The following CSMD1 variants were observed in gnomAD, a reference collection of about 807,000 sequenced individuals.
The protein encoded by CSMD1 is CUB and Sushi multiple domains 1.
A neutral mutation model predicts 417.5 loss-of-function variants in CSMD1; 213 were observed. The observed-to-expected ratio is 0.51, with a 90% CI of 0.46 to 0.57. The LOEUF (loss-of-function observed/expected upper bound fraction) is 0.57, where lower values mean the gene tolerates loss of function less well. Among genes scored for constraint, CSMD1 ranks in the 20% least tolerant of loss-of-function variants. The pLI, the probability that CSMD1 is intolerant of heterozygous loss-of-function variation, is 0.00. For missense variants in CSMD1, 6,923 were observed against 4,529.7 expected (o/e 1.53, Z -15.17); for synonymous variants, 2,862 against 1,736.8 (o/e 1.65, Z -16.11).
chr8:4,240,998 C>T (rs554990169), intron 3 of CSMD1, among the ~76,000 whole-genome samples: 60 of 152,282 alleles, frequency 3.9e-4, no homozygotes, highest in African/African-American at 1.4e-3. Flanking sequence ...CAGCCAACGT[C>T]TCAGTGAAAA....
At chr8:4,877,241 T>C (rs1414678731) in intron 1 of CSMD1, among the ~76,000 whole-genome samples, 2 of 152,004 alleles carry the variant, frequency 1.3e-5, no homozygotes, top group Non-Finnish European at 2.9e-5. Flanking sequence ...TCTAAACAGA[T>C]GTACATAAGA....
chr8:3,166,908 G>C (rs540077814), intron 37 of CSMD1, among the ~76,000 whole-genome samples: 19 of 152,300 alleles, frequency 1.2e-4, no homozygotes, highest in South Asian at 1.2e-3. Context: ...GAAATAATTT[G>C]TACTTCTTTC....
chr8:4,034,510 T>C (rs1353553278), intron 3 of CSMD1, among the ~76,000 whole-genome samples: 3 of 152,220 alleles, frequency 2.0e-5, no homozygotes, highest in Non-Finnish European at 4.4e-5. Context: ...GTGCTGTTTA[T>C]AGTACATTAA....
At chr8:4,304,293 C>A (rs541643685) in intron 3 of CSMD1, among the ~76,000 whole-genome samples, 4 of 152,044 alleles carry the variant, frequency 2.6e-5, no homozygotes, top group Non-Finnish European at 5.9e-5. Context: ...GTAACATGTT[C>A]AATATAGAAT....
chr8:4,090,036 TTGATTTATC>T (rs1437599660), intron 3 of CSMD1, among the ~76,000 whole-genome samples: 1 of 152,246 alleles, frequency 6.6e-6, no homozygotes, highest in Non-Finnish European at 1.5e-5. Context: ...ATATTTGATA[TTGATTTATC>T]ATAGGACATG....
chr8:4,562,584 C>G (rs944618519), intron 2 of CSMD1, among the ~76,000 whole-genome samples: 4 of 152,112 alleles, frequency 2.6e-5, no homozygotes, highest in African/African-American at 9.7e-5. Context: ...ATCCTGACTA[C>G]TGAAATAATA....
rs541642483 is a variant in CSMD1 at position 4,241,521 on chromosome 8, A to C, written c.415+178432T>G. ...TGAATGTCTGTGCCCCCAGGAGGGCAGGGTCTCTAGTGCACCACTCTATGT... is the reference window on the plus strand; with the variant it reads ...TGAATGTCTGTGCCCCCAGGAGGGCCGGGTCTCTAGTGCACCACTCTATGT... On this transcript the variant is annotated intron_variant, in intron 3 of 69. Coordinates refer to ENST00000635120, the MANE Select transcript of CSMD1 (RefSeq NM_033225.6). Among the ~76,000 whole-genome samples the C allele has an allele frequency of 2.6e-5, 4 of 152,312 alleles. No individual in the cohort carries two copies. In the East Asian group the frequency reaches 5.8e-4, roughly 22 times the overall value.
chr8:4,369,420 A>C (rs1008649952), intron 3 of CSMD1, among the ~76,000 whole-genome samples: 1 of 152,134 alleles, frequency 6.6e-6, no homozygotes, highest in African/African-American at 2.4e-5. Context: ...ATATTCTATC[A>C]CTGTTGGGTG....
At chr8:3,193,196 G>A (rs887711469) in intron 33 of CSMD1, among the ~76,000 whole-genome samples, 3 of 152,126 alleles carry the variant, frequency 2.0e-5, no homozygotes, top group African/African-American at 7.2e-5. Context: ...ATCTTTCCAA[G>A]TTCCCAAAAT....
intron 61 of CSMD1, 91 bp from the exon 62 acceptor site, chr8:2,961,305 G>T: frequency 1.5e-6 from 1 of 649,936 alleles, no homozygotes; most frequent in Non-Finnish European, 2.6e-6. Flanking sequence ...TCATGAAATA[G>T]AGAAAATATT....
At chr8:3,356,531 C>T (rs1008432535) in intron 21 of CSMD1, among the ~76,000 whole-genome samples, 8 of 152,038 alleles carry the variant, frequency 5.3e-5, no homozygotes, top group African/African-American at 1.9e-4. Context: ...AAAAATTAGC[C>T]GGGCGTGGTG....
intron 5 of CSMD1, among the ~76,000 whole-genome samples, chr8:3,924,670 T>C (rs1054260727): frequency 3.3e-5 from 5 of 152,232 alleles, no homozygotes; most frequent in Admixed American, 2.0e-4. Context: ...ATTTTTTCAG[T>C]GTAATCATTG....
chr8:4,081,407 G>T (rs930719270), intron 3 of CSMD1, among the ~76,000 whole-genome samples: 1 of 152,128 alleles, frequency 6.6e-6, no homozygotes, highest in Non-Finnish European at 1.5e-5. Flanking sequence ...AAAAGGCTTT[G>T]CAGCTTCCTC....
chr8:3,282,386 G>A (rs990856740), intron 26 of CSMD1, among the ~76,000 whole-genome samples: 1 of 151,974 alleles, frequency 6.6e-6, no homozygotes, highest in Non-Finnish European at 1.5e-5. Context: ...AAAACCTGTT[G>A]AAAAAAATGC....
At chr8:4,339,215 G>A (rs1014966993) in intron 3 of CSMD1, among the ~76,000 whole-genome samples, 22 of 152,220 alleles carry the variant, frequency 1.4e-4, no homozygotes, top group African/African-American at 5.3e-4. Flanking sequence ...TATACCCCAG[G>A]CAATAAGCCA....
intron 11 of CSMD1, among the ~76,000 whole-genome samples, chr8:3,488,086 G>GTATTATTATTATTATTAT (rs34188243): frequency 0.02 from 3,016 of 148,256 alleles, 64 homozygotes; most frequent in African/African-American, 0.058. Context: ...GAAACTCATA[G>GTATTATTATTATTATTAT]TATTATTATT....
At chr8:3,969,433 G>A (rs1036742128) in intron 5 of CSMD1, among the ~76,000 whole-genome samples, 3 of 152,104 alleles carry the variant, frequency 2.0e-5, no homozygotes, top group African/African-American at 4.8e-5. Flanking sequence ...GCCTGGAGAT[G>A]GGTGGTCATG....
At chr8:3,185,178 G>A (rs1585589793) in intron 36 of CSMD1, among the ~76,000 whole-genome samples, 1 of 152,202 alleles carries the variant, frequency 6.6e-6, no homozygotes, top group Admixed American at 6.5e-5. Flanking sequence ...GGAGTCCTGT[G>A]GAGAAGCATG....
At chr8:4,705,634 T>C (rs1303432843) in intron 1 of CSMD1, among the ~76,000 whole-genome samples, 2 of 152,252 alleles carry the variant, frequency 1.3e-5, no homozygotes, top group African/African-American at 2.4e-5. Flanking sequence ...TACTGCGGCA[T>C]GAACGAAGCT....
Sources: allele counts gnomAD v4.1 joint callset (sites outside exome capture counted in the v4.1 genomes callset), GRCh38; gene constraint gnomAD v4.1.1; transcripts MANE v1.5; gene names NCBI Gene and HGNC (gene_info 2026-07-23, HGNC 2026-07-21).